The following KDM1B variants were observed in gnomAD, a reference collection of about 807,000 sequenced individuals.
The protein encoded by KDM1B is lysine-specific histone demethylase 2.
A neutral mutation model predicts 107.4 loss-of-function variants in KDM1B; 63 were observed. The observed-to-expected ratio is 0.59, with a 90% confidence interval of 0.48 to 0.72. The LOEUF (loss-of-function observed/expected upper bound fraction) is 0.72. KDM1B is among the 30% of genes least tolerant of loss of function. The pLI, the probability that KDM1B is intolerant of heterozygous loss-of-function variation, is 0.00. For synonymous variants in KDM1B, 363 were observed against 363.9 expected, an observed-to-expected ratio of 1.00 and a Z score of 0.03; for missense variants, 749 against 1,020.8, an observed-to-expected ratio of 0.73 and a Z score of 3.63.
In KDM1B at chr6:18,198,650, A is replaced by C. The variant is rs896118310; in HGVS notation, c.1221+989A>C. ...GAGACTCCATCTCAAAAAAAAAAAA[A>C]AAAAAAACAAAACGCCCTTTGAATC... On this transcript the variant is annotated intron_variant, in intron 12 of 21. Coordinates refer to ENST00000650836, the MANE Select transcript of KDM1B (RefSeq NM_001364614.2). Among the ~76,000 whole-genome samples the C allele has an allele frequency of 1.8e-3, 259 of 141,778 alleles. 3 individuals are homozygous for C. The highest frequency in any genetic ancestry group is 3.4e-3 in the Non-Finnish European group (221 of 65,198). The allele number at this position is 141,778 out of a possible 152,430, so 93.0% of individuals were successfully genotyped here.
In KDM1B at chr6:18,223,462, G is replaced by C. The variant is rs541948056; in HGVS notation, c.*1470G>C. The C allele has an allele frequency of 6.6e-6, 1 of 151,838 alleles. No individual in the cohort carries two copies. Among genetic ancestry groups the C allele is most frequent in the African/African-American group, 2.4e-5 (1 of 41,348 alleles). The allele number at this position is 151,838 out of a possible 1,614,324, so 9.4% of individuals were successfully genotyped here. Reference sequence around the variant, plus strand: ...TGTTGAGACTCATTGGTACTGACTGGCAAGTATTCTGCTTTAAAGTATCAT... The same window carrying C: ...TGTTGAGACTCATTGGTACTGACTGCCAAGTATTCTGCTTTAAAGTATCAT... On this transcript the variant is annotated 3_prime_UTR_variant, in exon 22 of 22. Transcript: ENST00000650836.
intron 21 of KDM1B, 99 bp from the exon 22 acceptor site, chr6:18,221,810 A>C (rs1000716044): frequency 2.1e-6 from 2 of 970,870 alleles, no homozygotes; most frequent in Non-Finnish European, 3.1e-6. Flanking sequence ...GAGTGGCACA[A>C]ATCTTTATGT....
chr6:18,219,192 G>A (rs549475042), intron 21 of KDM1B, among the ~76,000 whole-genome samples: 56 of 152,230 alleles, frequency 3.7e-4, no homozygotes, highest in African/African-American at 1.3e-3. Flanking sequence ...GTGAGCCACC[G>A]CGCCTGGCCT....
rs1441600562 is a variant in KDM1B at position 18,217,821 on chromosome 6, G to T, written c.2321G>T (p.Gly774Val). 6.2e-7 allele frequency: 1 copy of T among 1,614,024 alleles called. No individual in the cohort carries two copies. The highest frequency in any genetic ancestry group is 8.5e-7 in the Non-Finnish European group (1 of 1,179,964). Reference sequence around the variant, plus strand: ...GCATACAGTTTTGTGAAGACAGGTGGAAGTGGGGAGGCCTACGATATCATT... The same window carrying T: ...GCATACAGTTTTGTGAAGACAGGTGTAAGTGGGGAGGCCTACGATATCATT... ...QMAYSFVKTG[G>V]SGEAYDIIAE... Residue 774 changes from glycine to valine, a missense_variant, in exon 21 of 22, where the codon GGA becomes GTA. Coordinates refer to ENST00000650836, the MANE Select transcript of KDM1B (RefSeq NM_001364614.2).
chr6:18,163,859 T>C (rs1181235560), intron 5 of KDM1B, among the ~76,000 whole-genome samples: 1 of 152,186 alleles, frequency 6.6e-6, no homozygotes, highest in Non-Finnish European at 1.5e-5. Flanking sequence ...TCTTGGTAAA[T>C]GTCCTGCATG....
rs1418110311 is a variant in KDM1B at position 18,209,629 on chromosome 6, AG to A, written c.1866+1426del. ...TTTTTTGTTTGTTTTTTTCAGAGAC[AG>A]GGTCTCAGTCTGTCGCCCAGGCTGG... On this transcript the variant is annotated intron_variant, in intron 17 of 21. Coordinates refer to ENST00000650836, the MANE Select transcript of KDM1B (RefSeq NM_001364614.2). The surrounding 1 kb of genome is among the most constrained non-coding windows in gnomAD (Gnocchi z 4.3). Among the ~76,000 whole-genome samples, 2 of 152,182 alleles carry A rather than the reference AG, an allele frequency of 1.3e-5. No homozygotes were observed. Among genetic ancestry groups the A allele is most frequent in the Non-Finnish European group, 2.9e-5 (2 of 68,028 alleles).
chr6:18,195,708 C>T (rs565646726), intron 10 of KDM1B, among the ~76,000 whole-genome samples: 2 of 137,054 alleles, frequency 1.5e-5, no homozygotes, highest in South Asian at 4.6e-4. Flanking sequence ...GCACTCCAGC[C>T]TGGTGACAGA....
chr6:18,200,310 T>C lies in KDM1B; in HGVS notation c.1222-129T>C, dbSNP rs1230367103. ...CACACTGCCTGCTTTTTAAAGTTGT[T>C]TTTTTAGAAATATTTGGAATTAACC... On this transcript the variant is annotated intron_variant, in intron 12 of 21. Coordinates refer to ENST00000650836, the MANE Select transcript of KDM1B (RefSeq NM_001364614.2). This position sits in a 1 kb window ranked among gnomAD's most constrained non-coding sequence, Gnocchi z 4.3. 2 of 983,048 alleles carry C rather than the reference T, an allele frequency of 2.0e-6. No homozygotes were observed. Among genetic ancestry groups the C allele is most frequent in the Admixed American group, 5.2e-5 (2 of 38,570 alleles). 60.9% of individuals were successfully genotyped at this position (983,048 alleles called of 1,614,324 possible).
intron 17 of KDM1B, 24 bp downstream of exon 17, chr6:18,208,230 G>A: frequency 1.3e-6 from 2 of 1,568,396 alleles, no homozygotes; most frequent in African/African-American, 2.7e-5. Context: ...CAGTACAAGG[G>A]TGGGTAGAAA....
chr6:18,170,546 C>G (rs1785588075), intron 6 of KDM1B, among the ~76,000 whole-genome samples: 1 of 151,662 alleles, frequency 6.6e-6, no homozygotes, highest in Non-Finnish European at 1.5e-5. Flanking sequence ...GTGGTATAAT[C>G]TCAGCTCACT....
rs1399355075 is a variant in KDM1B at position 18,191,380 on chromosome 6, A to G, written c.968A>G (p.Lys323Arg). The G allele has an allele frequency of 6.5e-7, 1 of 1,550,342 alleles. No homozygotes were observed. The highest frequency in any genetic ancestry group is 8.7e-7 in the Non-Finnish European group (1 of 1,146,604). Reference sequence around the variant, plus strand: ...CTCGCACTGTGGTATACTAACTGCAAAGTAAGTAAGGGCATGTTAGCCAAT... The same window carrying G: ...CTCGCACTGTGGTATACTAACTGCAGAGTAAGTAAGGGCATGTTAGCCAAT... Reference protein sequence around the residue: ...LILALWYTNCKEALTPQKCIP... With the variant: ...LILALWYTNCREALTPQKCIP... The change falls in exon 10 of 22, where the codon AAA (lysine) becomes AGA (arginine). Residue 323 changes from lysine to arginine, a missense_variant and splice_region_variant. Coordinates refer to ENST00000650836, the MANE Select transcript of KDM1B (RefSeq NM_001364614.2). The surrounding 1 kb of genome is among the most constrained non-coding windows in gnomAD (Gnocchi z 5.1).
In KDM1B at chr6:18,214,902, T is replaced by C. The variant is rs554168432; in HGVS notation, c.2110-105T>C. Reference sequence around the variant, plus strand: ...TCCAGCCTGGGTGACAGAGCAAAACTCTGTCTCATTTAAAACAAAACAAAA... The same window carrying C: ...TCCAGCCTGGGTGACAGAGCAAAACCCTGTCTCATTTAAAACAAAACAAAA... On this transcript the variant is annotated intron_variant, in intron 19 of 21. Transcript: ENST00000650836. This position sits in a 1 kb window ranked among gnomAD's most constrained non-coding sequence, Gnocchi z 4.4. 1.8e-5 allele frequency: 22 copies of C among 1,203,092 alleles called. No individual in the cohort carries two copies. Among genetic ancestry groups the C allele is most frequent in the Non-Finnish European group, 2.5e-5 (22 of 870,150 alleles). 74.5% of individuals were successfully genotyped at this position (1,203,092 alleles called of 1,614,324 possible). A position where few individuals can be genotyped will look rare whatever the true frequency, so the allele number is the denominator to read the frequency against.
At chr6:18,208,963 G>T (rs1429608712) in intron 17 of KDM1B, among the ~76,000 whole-genome samples, 1 of 151,912 alleles carries the variant, frequency 6.6e-6, no homozygotes, top group Non-Finnish European at 1.5e-5. Context: ...CCAAATAGAA[G>T]TATATTAAAG....
rs773616620 is a variant in KDM1B at position 18,161,429 on chromosome 6, G to A, written c.190G>A (p.Val64Met). The change falls in exon 4 of 22, where the codon GTG (valine) becomes ATG (methionine). Residue 64 changes from valine (V) to methionine (M), a missense_variant. Coordinates refer to ENST00000650836, the MANE Select transcript of KDM1B (RefSeq NM_001364614.2). ...GGCAGGCTGTACGGCAACATGTCCT[G>A]TGTGCTTTGCAAGTGCTTCTGAAAG... ...EKAGCTATCP[V>M]CFASASERCA... 13 of 1,613,956 alleles carry A rather than the reference G, an allele frequency of 8.1e-6. No homozygotes were observed. Among genetic ancestry groups the A allele is most frequent in the Middle Eastern group, 1.6e-4 (1 of 6,084 alleles).
At chr6:18,188,401 C>T (rs1473341884) in intron 9 of KDM1B, among the ~76,000 whole-genome samples, 2 of 152,082 alleles carry the variant, frequency 1.3e-5, no homozygotes, top group Admixed American at 6.5e-5. Flanking sequence ...ACCTACAGGA[C>T]TTAATGAGTA....
intron 5 of KDM1B, among the ~76,000 whole-genome samples, chr6:18,164,802 T>C (rs4716225): frequency 1.1e-4 from 17 of 152,110 alleles, no homozygotes; most frequent in African/African-American, 4.1e-4. Context: ...TGCGCCACCA[T>C]GCCCAGCTAA....
chr6:18,216,360 T>C (rs12189968), intron 20 of KDM1B, among the ~76,000 whole-genome samples: 10,624 of 152,268 alleles, frequency 0.07, 424 homozygotes, highest in Middle Eastern at 0.12. Context: ...GGATTACAGG[T>C]GTGAGCCACT....
intron 17 of KDM1B, among the ~76,000 whole-genome samples, chr6:18,210,342 CTTTTTTTTTTTTTT>C (rs533016543): frequency 2.6e-3 from 181 of 70,028 alleles, no homozygotes; most frequent in Middle Eastern, 9.4e-3. Context: ...TCTTTCTTTT[CTTTTTTTTTTTTTT>C]TTTTTTTTTT....
intron 3 of KDM1B, 91 bp downstream of exon 3, chr6:18,160,073 A>G: frequency 1.2e-6 from 1 of 811,248 alleles, no homozygotes; most frequent in South Asian, 1.8e-5. Flanking sequence ...AGATTACTCC[A>G]GCCCTCAAGT....
Sources: allele counts gnomAD v4.1 joint callset (sites outside exome capture counted in the v4.1 genomes callset), GRCh38; gene constraint gnomAD v4.1.1; non-coding constraint Gnocchi (gnomAD v3.1); transcripts MANE v1.5; gene names NCBI Gene and HGNC (gene_info 2026-07-23, HGNC 2026-07-21).